Variants in DAAM1 observed in about 807,000 individuals in gnomAD.
DAAM1 encodes the protein dishevelled associated activator of morphogenesis 1.
A neutral mutation model predicts 130.0 loss-of-function variants in DAAM1; 52 were observed. The observed-to-expected ratio is 0.40, with a 90% CI of 0.32 to 0.50. DAAM1 has a LOEUF of 0.50. Ranked by LOEUF, DAAM1 falls within the 20% of genes least tolerant of loss-of-function variation. The pLI is 0.61. For missense variants in DAAM1, 1,134 were observed against 1,303.8 expected (o/e 0.87, Z 2.01); for synonymous variants, 452 against 444.5 (o/e 1.02, Z -0.21).
At chr14:59,340,020 G>T in intron 15 of DAAM1, 54 bp from the exon 16 acceptor site, 1 of 1,503,116 alleles carries the variant, frequency 6.7e-7, no homozygotes, top group South Asian at 1.1e-5. Context: ...GTGTGTATCT[G>T]AAGTCTGAAT....
intron 1 of DAAM1, among the ~76,000 whole-genome samples, chr14:59,194,224 C>T (rs1284084860): frequency 6.6e-6 from 1 of 152,180 alleles, no homozygotes; most frequent in Non-Finnish European, 1.5e-5. Context: ...TCTCTTAATT[C>T]TCAGACAGTG....
chr14:59,201,865 T>C (rs1301317689), intron 1 of DAAM1, among the ~76,000 whole-genome samples: 4 of 152,174 alleles, frequency 2.6e-5, no homozygotes, highest in Non-Finnish European at 5.9e-5. Flanking sequence ...GAATTTTGAA[T>C]TTGTGAAAAG....
chr14:59,284,689 C>G (rs991181484), intron 2 of DAAM1, among the ~76,000 whole-genome samples: 1 of 72,140 alleles, frequency 1.4e-5, no homozygotes, highest in African/African-American at 3.1e-5. Flanking sequence ...GAAGCATTAA[C>G]AACAGAATAG....
chr14:59,249,975 A>G (rs933409248), intron 1 of DAAM1, among the ~76,000 whole-genome samples: 1 of 152,250 alleles, frequency 6.6e-6, no homozygotes, highest in African/African-American at 2.4e-5. Flanking sequence ...TTTAAAATGT[A>G]CCAAGTAGTA....
At chr14:59,326,872 T>G (rs1014700233) in intron 11 of DAAM1, 61 bp from the exon 12 acceptor site, 3 of 1,598,768 alleles carry the variant, frequency 1.9e-6, no homozygotes, top group Non-Finnish European at 2.6e-6. Flanking sequence ...CTGGGGAGAA[T>G]GCAGTTAGCA....
Position 59,331,380 on chromosome 14 carries a change from C to G in DAAM1, c.1732C>G (p.Pro578Ala), listed in dbSNP as rs903775255. The change falls in exon 14 of 25, where the codon CCA (proline) becomes GCA (alanine). Residue 578 changes from proline to alanine, a missense_variant. Physicochemically the swap from Pro to Ala is conservative, Grantham distance 27. This residue lies in a region of DAAM1 where 644 missense variants were observed against 695.9 expected (regional missense o/e 0.93). Coordinates refer to ENST00000360909, the MANE Select transcript of DAAM1 (RefSeq NM_001270520.2). ...PLPPGGPPPP[P>A]GPPPLGAIMP... ...CCCTCCAGGTGGCCCTCCTCCTCCCCCAGGGCCTCCTCCCTTAGGGGCAAT... is the reference window on the plus strand; with the variant it reads ...CCCTCCAGGTGGCCCTCCTCCTCCCGCAGGGCCTCCTCCCTTAGGGGCAAT... 6.2e-7 allele frequency: 1 copy of G among 1,613,374 alleles called. No individual in the cohort carries two copies. Among genetic ancestry groups the G allele is most frequent in the African/African-American group, 1.3e-5 (1 of 74,946 alleles).
At position 59,310,153 on chromosome 14, in the gene DAAM1, C is replaced by T. The variant is rs1166594502; in HGVS notation, c.274-5127C>T. Reference sequence around the variant, plus strand: ...TGAGACAGGGTCTTGCTCTGTGGCCCAGGCTGGAGTGCAGTGGTGCGATCT... The same window carrying T: ...TGAGACAGGGTCTTGCTCTGTGGCCTAGGCTGGAGTGCAGTGGTGCGATCT... On this transcript the variant is annotated intron_variant, in intron 3 of 24. Coordinates refer to ENST00000360909, the MANE Select transcript of DAAM1 (RefSeq NM_001270520.2). Among the ~76,000 whole-genome samples, 6 of 150,164 alleles carry T rather than the reference C, an allele frequency of 4.0e-5. No individual in the cohort carries two copies. The East Asian group carries it at 1.2e-3, about 29-fold the overall frequency.
chr14:59,207,304 T>G (rs1318902565), intron 1 of DAAM1, among the ~76,000 whole-genome samples: 1 of 152,242 alleles, frequency 6.6e-6, no homozygotes, highest in Non-Finnish European at 1.5e-5. Context: ...TGTTTTGCTA[T>G]GGACAAGAGG....
At chr14:59,334,040 A>G (rs971655423) in intron 15 of DAAM1, among the ~76,000 whole-genome samples, 6 of 152,212 alleles carry the variant, frequency 3.9e-5, no homozygotes, top group African/African-American at 1.4e-4. Flanking sequence ...ATCAGTTGTG[A>G]CCATATTTTC....
At chr14:59,363,366 G>T in intron 22 of DAAM1, 1 of 256,704 alleles carries the variant, frequency 3.9e-6, no homozygotes, top group Admixed American at 5.1e-5. Context: ...TTATCCAAAT[G>T]CAAATCTGCT....
chr14:59,246,246 C>T (rs1031724310), intron 1 of DAAM1, among the ~76,000 whole-genome samples: 11 of 152,138 alleles, frequency 7.2e-5, no homozygotes. Flanking sequence ...TGGTAACCAC[C>T]ACTCTACTTT....
At chr14:59,224,379 T>G (rs1888871448) in intron 1 of DAAM1, among the ~76,000 whole-genome samples, 1 of 152,358 alleles carries the variant, frequency 6.6e-6, no homozygotes, top group South Asian at 2.1e-4. Context: ...TTCAAATCCT[T>G]GATGGTGGCA....
intron 1 of DAAM1, among the ~76,000 whole-genome samples, chr14:59,204,141 A>C (rs1471425703): frequency 2.0e-5 from 3 of 152,258 alleles, no homozygotes; most frequent in African/African-American, 7.2e-5. Flanking sequence ...ACATTACCAC[A>C]AACTTAGTGG....
intron 3 of DAAM1, among the ~76,000 whole-genome samples, chr14:59,313,250 G>A (rs1016566478): frequency 1.3e-5 from 2 of 152,032 alleles, no homozygotes. Context: ...TATTGCACAG[G>A]GGAAACTGGA....
intron 1 of DAAM1, among the ~76,000 whole-genome samples, chr14:59,205,717 A>G (rs1339292966): frequency 1.3e-5 from 2 of 152,224 alleles, no homozygotes; most frequent in Non-Finnish European, 2.9e-5. Flanking sequence ...TAAAAACGCA[A>G]CACTTTATAT....
At chr14:59,297,956 A>G (rs537605374) in intron 3 of DAAM1, among the ~76,000 whole-genome samples, 1 of 152,314 alleles carries the variant, frequency 6.6e-6, no homozygotes, top group Non-Finnish European at 1.5e-5. Context: ...AGTATAATCA[A>G]ATATCTGCCA....
At chr14:59,285,835 C>T (rs1269078818) in intron 2 of DAAM1, among the ~76,000 whole-genome samples, 1 of 152,142 alleles carries the variant, frequency 6.6e-6, no homozygotes, top group Non-Finnish European at 1.5e-5. Context: ...GGGACTTCAA[C>T]ACCCTACCAA....
chr14:59,347,299 T>G (rs1298737271), intron 16 of DAAM1, among the ~76,000 whole-genome samples: 1 of 131,366 alleles, frequency 7.6e-6, no homozygotes, highest in Non-Finnish European at 1.7e-5. Context: ...TTAAGGAAAC[T>G]AAATCATAGA....
chr14:59,280,680 T>A (rs947725913), intron 2 of DAAM1, among the ~76,000 whole-genome samples: 1 of 151,394 alleles, frequency 6.6e-6, no homozygotes, highest in Non-Finnish European at 1.5e-5. Context: ...CATATAGCAA[T>A]GTGATAAATT....
Sources: gnomAD v4.1 joint callset for allele counts (sites outside exome capture counted in the v4.1 genomes callset) on GRCh38, gnomAD v4.1.1 for gene constraint, gnomAD v4.1.1 regional missense constraint, MANE v1.5 for transcripts, NCBI Gene and HGNC (gene_info 2026-07-23, HGNC 2026-07-21) for gene names.